Variants in GSPT1 observed in about 807,000 individuals in gnomAD.
GSPT1 encodes the protein eukaryotic peptide chain release factor GTP-binding subunit ERF3A.
GSPT1 carries 20 observed loss-of-function variants against 72.5 expected under a neutral mutation model. The ratio of observed to expected loss-of-function variants is 0.28; its 90% CI spans 0.19 to 0.40. The LOEUF is 0.40. GSPT1 is among the 10% of genes least tolerant of loss of function. GSPT1 has a pLI of 1.00. For synonymous variants in GSPT1, 334 were observed against 293.5 expected (o/e 1.14, Z -1.41); for missense variants, 580 against 811.9 (o/e 0.71, Z 3.47).
intron 10 of GSPT1, 67 bp downstream of exon 10, chr16:11,885,114 T>C (rs2054172386): frequency 1.3e-6 from 1 of 773,184 alleles, no homozygotes; most frequent in African/African-American, 1.7e-5. Context: ...TTTTCAAAAC[T>C]AGAAACAAAA....
In GSPT1 at chr16:11,877,464, C is replaced by T; in HGVS notation, c.1545G>A (p.Gly515=). 1 of 1,611,850 alleles carries T rather than the reference C, an allele frequency of 6.2e-7. No homozygotes were observed. The highest frequency in any genetic ancestry group is 1.1e-5 in the South Asian group (1 of 90,742). The change falls in exon 12 of 15, where the codon GGG becomes GGA. Residue 515 remains glycine (G), a synonymous_variant. Transcript: ENST00000434724. This position sits in a 1 kb window ranked among gnomAD's most constrained non-coding sequence, Gnocchi z 4.0. The part of the protein sequence containing the change: ...KGIEEEEILP[G]FILCDPNNLC... ...GATTATTAGGATCACAAAGTATAAA[C>T]CCTGGAAGAATCTCCTCTTCTTCAA...
intron 14 of GSPT1, 64 bp downstream of exon 14, chr16:11,875,697 G>T: frequency 8.5e-7 from 1 of 1,180,434 alleles, no homozygotes; most frequent in Non-Finnish European, 1.2e-6. Context: ...GTACTGAGAT[G>T]ATGAAGATGA....
chr16:11,905,100 T>C (rs1010561986), intron 1 of GSPT1, among the ~76,000 whole-genome samples: 1 of 152,142 alleles, frequency 6.6e-6, no homozygotes, highest in African/African-American at 2.4e-5. Context: ...GCATCCTGAG[T>C]GAAACTGTAG....
Position 11,877,291 on chromosome 16 carries a change from C to T in GSPT1, c.1602+116G>A. 2 of 670,992 alleles carry T rather than the reference C, an allele frequency of 3.0e-6. No homozygotes were observed. Among genetic ancestry groups the T allele is most frequent in the East Asian group, 2.9e-5 (1 of 34,236 alleles). The allele number at this position is 670,992 out of a possible 1,614,324, so 41.6% of individuals were successfully genotyped here. ...GGCTTATAATATTTCCATTCCCCTT[C>T]TCTACACTAAGATGGGTTAACTGGC... On this transcript the variant is annotated intron_variant, in intron 12 of 14. Transcript: ENST00000434724. This position sits in a 1 kb window ranked among gnomAD's most constrained non-coding sequence, Gnocchi z 4.0.
intron 11 of GSPT1, among the ~76,000 whole-genome samples, chr16:11,879,378 A>G (rs559510582): frequency 1.2e-3 from 183 of 152,030 alleles, no homozygotes; most frequent in Non-Finnish European, 2.5e-3. Context: ...TGGGCCACAG[A>G]AGGAGACTCC....
chr16:11,884,737 C>T (rs934368850), intron 10 of GSPT1, among the ~76,000 whole-genome samples: 3 of 142,616 alleles, frequency 2.1e-5, no homozygotes, highest in African/African-American at 5.2e-5. Context: ...GCACTCTAGC[C>T]TGGGTGACAG....
rs185404673 is a variant in GSPT1 at position 11,880,493 on chromosome 16, A to C, written c.1428+2522T>G. ...GCCAACACGTGTTACTCTGCTTTCC[A>C]AAAAAAAGTTTTTAATTGAGATGGG... On this transcript the variant is annotated intron_variant, in intron 11 of 14. Coordinates refer to ENST00000434724, the MANE Select transcript of GSPT1 (RefSeq NM_002094.4). Among the ~76,000 whole-genome samples the C allele has an allele frequency of 1.1e-4, 17 of 152,106 alleles. 1 individual carries two copies. The East Asian group carries it at 3.3e-3, about 29-fold the overall frequency.
Position 11,875,417 on chromosome 16 carries a change from TA to T in GSPT1, c.1861+343del, listed in dbSNP as rs74268781. ...GATTAGACCTCTGAAAAATTAGGTG[TA>T]AAAAAAAAAATCAATCTCTATGTTC... On this transcript the variant is annotated intron_variant, in intron 14 of 14. Coordinates refer to ENST00000434724, the MANE Select transcript of GSPT1 (RefSeq NM_002094.4). Among the ~76,000 whole-genome samples the T allele has an allele frequency of 2.2e-3, 323 of 146,498 alleles. 1 individual carries two copies. The highest frequency in any genetic ancestry group is 3.2e-3 in the Non-Finnish European group (213 of 66,152).
intron 1 of GSPT1, 79 bp from the exon 2 acceptor site, chr16:11,898,114 CAG>C (rs1359749664): frequency 2.2e-6 from 2 of 892,352 alleles, no homozygotes; most frequent in African/African-American, 3.3e-5. Context: ...GCAGTAAAAA[CAG>C]AAGTTCAATA....
chr16:11,885,928 G>C (rs79314503), intron 9 of GSPT1, among the ~76,000 whole-genome samples: 1,863 of 152,158 alleles, frequency 0.012, 39 homozygotes, highest in African/African-American at 0.043. Flanking sequence ...CGGAGTTCAA[G>C]AATAAACTCG....
rs1050118238 is a variant in GSPT1, at chr16:11,870,783, A to G, written c.*2336T>C. 1.6e-4 allele frequency: 24 copies of G among 152,238 alleles called. No homozygotes were observed. Among genetic ancestry groups the G allele is most frequent in the Admixed American group, 9.2e-4 (14 of 15,290 alleles). 9.4% of individuals were successfully genotyped at this position (152,238 alleles called of 1,614,324 possible). A position where few individuals can be genotyped will look rare whatever the true frequency, so the allele number is the denominator to read the frequency against. On this transcript the variant is annotated 3_prime_UTR_variant, in exon 15 of 15. Transcript: ENST00000434724. Reference sequence around the variant, plus strand: ...GAATAATCTAATCTTGCAAATATGCAAGAATCCAGTGGAATTTTTACAGTT... The same window carrying G: ...GAATAATCTAATCTTGCAAATATGCGAGAATCCAGTGGAATTTTTACAGTT...
At position 11,915,550 on chromosome 16, in the gene GSPT1, C is replaced by T; in HGVS notation, c.171G>A (p.Gln57=). 1 of 1,498,430 alleles carries T rather than the reference C, an allele frequency of 6.7e-7. No individual in the cohort carries two copies. The highest frequency in any genetic ancestry group is 8.9e-7 in the Non-Finnish European group (1 of 1,123,824). 92.8% of individuals were successfully genotyped at this position (1,498,430 alleles called of 1,614,324 possible). Residue 57 remains glutamine, a synonymous_variant, in exon 1 of 15, where the codon CAG becomes CAA. Transcript: ENST00000434724. The part of the protein sequence containing the change: ...GGSLAAAAEA[Q]RENLSAAFSR... ...TGAAGGCCGCGCTGAGGTTCTCCCGCTGGGCCTCGGCCGCCGCCGCCAGGG... is the reference window on the plus strand; with the variant it reads ...TGAAGGCCGCGCTGAGGTTCTCCCGTTGGGCCTCGGCCGCCGCCGCCAGGG...
chr16:11,912,342 C>T (rs1209886671), intron 1 of GSPT1, among the ~76,000 whole-genome samples: 20 of 100,242 alleles, frequency 2.0e-4, no homozygotes, highest in African/African-American at 5.6e-4. Context: ...AGCAAGACTC[C>T]GTCTCAAAAA....
chr16:11,885,095 G>GAA, intron 10 of GSPT1, 86 bp downstream of exon 10: 2 of 687,710 alleles, frequency 2.9e-6, no homozygotes, highest in South Asian at 3.3e-5. Flanking sequence ...GAAAAGAAAA[G>GAA]AAAAAAAGTT....
At chr16:11,914,209 T>C (rs550363014) in intron 1 of GSPT1, among the ~76,000 whole-genome samples, 1 of 152,320 alleles carries the variant, frequency 6.6e-6, no homozygotes, top group African/African-American at 2.4e-5. Context: ...GAAACACTGA[T>C]AGTTCCTAAA....
At chr16:11,916,354 G>A (rs545684449), upstream of GSPT1, among the ~76,000 whole-genome samples, 6 of 152,344 alleles carry the variant, frequency 3.9e-5, no homozygotes, top group East Asian at 1.2e-3. Flanking sequence ...CCATAGGAGG[G>A]GTCCACTCTG....
intron 1 of GSPT1, among the ~76,000 whole-genome samples, chr16:11,899,957 G>C (rs1045738957): frequency 6.6e-6 from 1 of 152,136 alleles, no homozygotes; most frequent in African/African-American, 2.4e-5. Flanking sequence ...AATTTGTTTA[G>C]TGTCAGTTAA....
chr16:11,910,256 G>C (rs1017334728), intron 1 of GSPT1, among the ~76,000 whole-genome samples: 10 of 152,180 alleles, frequency 6.6e-5, no homozygotes, highest in African/African-American at 2.4e-4. Context: ...TTATGAGAGT[G>C]ACAAGACTGA....
At chr16:11,915,027 C>T in intron 1 of GSPT1, 1 of 1,290,350 alleles carries the variant, frequency 7.7e-7, no homozygotes, top group South Asian at 1.2e-5. Context: ...CATTCTGCGC[C>T]TCGTGGCAGG....
Sources: gnomAD v4.1 joint callset for allele counts (sites outside exome capture counted in the v4.1 genomes callset) on GRCh38, gnomAD v4.1.1 for gene constraint, Gnocchi (gnomAD v3.1) non-coding constraint, MANE v1.5 for transcripts, NCBI Gene and HGNC (gene_info 2026-07-23, HGNC 2026-07-21) for gene names.